The following PTPRK variants were observed in gnomAD, a reference collection of about 807,000 sequenced individuals.
PTPRK encodes the protein protein tyrosine phosphatase receptor type K, also known as receptor-type tyrosine-protein phosphatase kappa.
In PTPRK, 75 loss-of-function variants were observed where a neutral mutation model predicts 178.0. The observed-to-expected ratio is 0.42, with a 90% CI of 0.35 to 0.51. The LOEUF is 0.51. PTPRK is among the 20% of genes least tolerant of loss of function. The probability of loss-of-function intolerance (pLI) is 0.02; values close to 1 mark genes in which losing one functional copy is unlikely to be tolerated. For synonymous variants in PTPRK, 637 were observed against 620.6 expected (o/e 1.03, Z -0.39); for missense variants, 1,441 against 1,797.8 (o/e 0.80, Z 3.59).
chr6:128,405,927 G>A (rs180826261), intron 1 of PTPRK, among the ~76,000 whole-genome samples: 61 of 151,838 alleles, frequency 4.0e-4, no homozygotes, highest in African/African-American at 1.4e-3. Flanking sequence ...AGTTTTGTAG[G>A]ACTTTGAAAT....
intron 2 of PTPRK, among the ~76,000 whole-genome samples, chr6:128,384,074 A>AG (rs1248776866): frequency 2.0e-5 from 3 of 152,218 alleles, no homozygotes; most frequent in Admixed American, 6.5e-5. Flanking sequence ...CTGCTACTTT[A>AG]GGAAATAAAT....
intron 7 of PTPRK, among the ~76,000 whole-genome samples, chr6:128,182,249 T>C (rs1802028824): frequency 6.6e-6 from 1 of 152,200 alleles, no homozygotes; most frequent in African/African-American, 2.4e-5. Flanking sequence ...AAAGACAGTA[T>C]AATTCCAAAA....
At chr6:128,044,465 C>T (rs1777713183) in intron 13 of PTPRK, among the ~76,000 whole-genome samples, 1 of 151,882 alleles carries the variant, frequency 6.6e-6, no homozygotes, top group African/African-American at 2.4e-5. Context: ...ATCATGATTC[C>T]CTGTTTATAT....
chr6:127,980,692 A>G (rs1184675915), intron 25 of PTPRK, among the ~76,000 whole-genome samples: 1 of 152,176 alleles, frequency 6.6e-6, no homozygotes, highest in Non-Finnish European at 1.5e-5. Context: ...CAACAAATTA[A>G]TTGTAAATTA....
At chr6:128,291,337 C>T (rs752959320) in intron 3 of PTPRK, among the ~76,000 whole-genome samples, 2 of 152,106 alleles carry the variant, frequency 1.3e-5, no homozygotes, top group African/African-American at 2.4e-5. Context: ...AAAGGGAACA[C>T]ATTCCTGCCA....
intron 3 of PTPRK, among the ~76,000 whole-genome samples, chr6:128,287,437 C>T (rs1269469211): frequency 6.6e-6 from 1 of 152,186 alleles, no homozygotes; most frequent in Non-Finnish European, 1.5e-5. Flanking sequence ...TGAGCAAAAG[C>T]AGAGTTTCTC....
At chr6:128,111,544 T>C (rs1230064123) in intron 7 of PTPRK, among the ~76,000 whole-genome samples, 1 of 152,212 alleles carries the variant, frequency 6.6e-6, no homozygotes, top group Non-Finnish European at 1.5e-5. Context: ...ATTTTTCTGA[T>C]ATGAAACAAA....
At chr6:128,053,994 T>C (rs1779487459) in intron 13 of PTPRK, among the ~76,000 whole-genome samples, 1 of 152,008 alleles carries the variant, frequency 6.6e-6, no homozygotes, top group Admixed American at 6.6e-5. Context: ...GCTATTGAGA[T>C]TTTTTTTAAC....
At chr6:128,151,813 T>C (rs375534040) in intron 7 of PTPRK, among the ~76,000 whole-genome samples, 10 of 151,998 alleles carry the variant, frequency 6.6e-5, no homozygotes, top group Admixed American at 1.3e-4. Context: ...GTAAATACTA[T>C]AGAGGCAAGA....
chr6:128,283,523 TA>T (rs1402806329), intron 3 of PTPRK, among the ~76,000 whole-genome samples: 1 of 152,154 alleles, frequency 6.6e-6, no homozygotes, highest in African/African-American at 2.4e-5. Context: ...TGTAAGTCAT[TA>T]ACACTATAAA....
At chr6:128,452,751 T>C (rs753413936) in intron 1 of PTPRK, among the ~76,000 whole-genome samples, 4 of 152,172 alleles carry the variant, frequency 2.6e-5, no homozygotes, top group Non-Finnish European at 4.4e-5. Context: ...CATATTGAGG[T>C]AATTAATTGG....
chr6:128,135,207 T>C (rs146333713), intron 7 of PTPRK, among the ~76,000 whole-genome samples: 173 of 152,240 alleles, frequency 1.1e-3, no homozygotes, highest in African/African-American at 3.8e-3. Context: ...TAAGGCAAGG[T>C]CTAACCATGA....
intron 3 of PTPRK, among the ~76,000 whole-genome samples, chr6:128,266,530 A>G (rs769800996): frequency 1.3e-5 from 2 of 152,144 alleles, no homozygotes; most frequent in African/African-American, 2.4e-5. Flanking sequence ...AATCTTGATT[A>G]TGCTACTTAC....
At chr6:128,431,850 A>G (rs1198033187) in intron 1 of PTPRK, among the ~76,000 whole-genome samples, 3 of 152,226 alleles carry the variant, frequency 2.0e-5, no homozygotes, top group Admixed American at 2.0e-4. Context: ...CGGTTTGCCT[A>G]CTAAGCAGAG....
chr6:128,070,134 T>C (rs966762530), intron 11 of PTPRK, among the ~76,000 whole-genome samples: 12 of 152,256 alleles, frequency 7.9e-5, no homozygotes, highest in South Asian at 4.1e-4. Flanking sequence ...ATCTTATATA[T>C]CTTTTCTCTA....
chr6:128,115,275 C>T (rs1791314769), intron 7 of PTPRK, among the ~76,000 whole-genome samples: 1 of 152,110 alleles, frequency 6.6e-6, no homozygotes. Context: ...TCCTCTGGCT[C>T]ATACATGTAG....
intron 6 of PTPRK, among the ~76,000 whole-genome samples, chr6:128,202,318 G>A (rs183383067): frequency 1.8e-3 from 271 of 152,272 alleles, no homozygotes; most frequent in Admixed American, 3.9e-3. Flanking sequence ...CGCTTCTCCC[G>A]TAAATATTTG....
intron 2 of PTPRK, among the ~76,000 whole-genome samples, chr6:128,335,444 A>C (rs893280424): frequency 3.4e-3 from 3 of 870 alleles, no homozygotes; most frequent in Non-Finnish European, 0.019. Flanking sequence ...ATGATAACAA[A>C]AAAAAAAAAA....
At chr6:128,106,244 T>C (rs1789701788) in intron 7 of PTPRK, among the ~76,000 whole-genome samples, 2 of 152,174 alleles carry the variant, frequency 1.3e-5, no homozygotes, top group African/African-American at 4.8e-5. Flanking sequence ...ATATTAGTGG[T>C]CCACTAGCAT....
Sources: gnomAD v4.1 joint callset for allele counts (sites outside exome capture counted in the v4.1 genomes callset) on GRCh38, gnomAD v4.1.1 for gene constraint, MANE v1.5 for transcripts, NCBI Gene and HGNC (gene_info 2026-07-23, HGNC 2026-07-21) for gene names.